Variants in STRA6 observed in about 807,000 individuals in gnomAD.
STRA6 encodes the protein receptor for retinol uptake STRA6.
In STRA6, 48 loss-of-function variants were observed where a neutral mutation model predicts 83.6. The observed-to-expected ratio is 0.57, with a 90% CI of 0.46 to 0.73. STRA6 has a LOEUF of 0.73. Ranked by LOEUF, STRA6 falls within the 30% of genes least tolerant of loss-of-function variation. The pLI is 0.00. For synonymous variants in STRA6, 353 were observed against 362.3 expected, an observed-to-expected ratio of 0.97 and a Z score of 0.29; for missense variants, 760 against 838.8, an observed-to-expected ratio of 0.91 and a Z score of 1.16.
upstream of STRA6, chr15:74,207,699 G>A (rs1346054788): frequency 1.3e-6 from 2 of 1,535,712 alleles, no homozygotes; most frequent in East Asian, 2.4e-5. Context: ...GTGCCCACCT[G>A]TGCAGCCCAG....
At chr15:74,195,177 A>G in intron 7 of STRA6, 125 bp downstream of exon 7, 1 of 1,531,162 alleles carries the variant, frequency 6.5e-7, no homozygotes, top group South Asian at 1.2e-5. Context: ...AAGGCATGGA[A>G]TCCCATGCAC....
At chr15:74,198,713 A>G (rs2073930722) in intron 2 of STRA6, among the ~76,000 whole-genome samples, 1 of 152,160 alleles carries the variant, frequency 6.6e-6, no homozygotes, top group Admixed American at 6.5e-5. Flanking sequence ...AGCCAAGGGA[A>G]CGAGCAGGCC....
chr15:74,203,360 G>A (rs752776130), upstream of STRA6: 5 of 261,274 alleles, frequency 1.9e-5, no homozygotes, highest in Non-Finnish European at 2.4e-5. Flanking sequence ...GGGTGAGCAA[G>A]GGAAGGTCTG....
At chr15:74,195,184 G>T in intron 7 of STRA6, 118 bp downstream of exon 7, 1 of 1,535,924 alleles carries the variant, frequency 6.5e-7, no homozygotes, top group Non-Finnish European at 8.7e-7. Context: ...GGAATCCCAT[G>T]CACAATGGAA....
chr15:74,197,894 CTG>C, intron 2 of STRA6, 76 bp from the exon 3 acceptor site: 1 of 1,475,330 alleles, frequency 6.8e-7, no homozygotes, highest in Non-Finnish European at 9.3e-7. Context: ...GGGTTCAAGA[CTG>C]TTCACACTGA....
In STRA6 at chr15:74,202,296, C is replaced by G. The variant is rs757189393; in HGVS notation, c.-15-14G>C. The G allele has an allele frequency of 1.3e-6, 2 of 1,551,760 alleles. No homozygotes were observed. Among genetic ancestry groups the G allele is most frequent in the African/African-American group, 1.4e-5 (1 of 69,514 alleles). On this transcript the variant is annotated splice_polypyrimidine_tract_variant and intron_variant, in intron 1 of 18. Transcript: ENST00000395105. ...CTGGCCCTTCTCCTTTGACCCCAGG[C>G]GAGAGAAAAAAAAAGCCACTACAGA...
chr15:74,205,393 T>G (rs1567202307), upstream of STRA6, among the ~76,000 whole-genome samples: 2 of 151,684 alleles, frequency 1.3e-5, no homozygotes, highest in South Asian at 2.1e-4. Flanking sequence ...TGATGGAAGG[T>G]GAAGGGGGGT....
intron 8 of STRA6, among the ~76,000 whole-genome samples, chr15:74,192,569 C>CT (rs1432846394): frequency 1.3e-5 from 2 of 152,154 alleles, no homozygotes; most frequent in African/African-American, 4.8e-5. Context: ...GAGCTCCAGA[C>CT]TTTGAGCAGT....
Position 74,182,178 on chromosome 15 carries a change from G to C in STRA6, c.1503C>G (p.His501Gln). The change falls in exon 16 of 19, where the codon CAC becomes CAG. Residue 501 changes from histidine (H) to glutamine (Q), a missense_variant. Physicochemically the swap from His to Gln is conservative, Grantham distance 24. Transcript: ENST00000395105. ...CACCTCACCGGTTGGTCAGCTGTGG[G>C]TGTCCATCATGAGTCTCCAGGAAGA... is the stretch of plus-strand genomic sequence containing the variant. ...HWVFLETHDG[H>Q]PQLTNRRVLY... The C allele has an allele frequency of 6.2e-7, 1 of 1,614,148 alleles. No individual in the cohort carries two copies. Among genetic ancestry groups the C allele is most frequent in the Non-Finnish European group, 8.5e-7 (1 of 1,179,982 alleles).
chr15:74,180,147 A>G lies in STRA6; in HGVS notation c.1937T>C (p.Leu646Pro). ...GAAGACCTGCAGGGTTGGGTTGTGC[A>G]GCAGCGTGTAGGCCAGACCCCAGCG... ...RARWGLAYTLLHNPTLQVFRK... is the reference protein window; with the variant it reads ...RARWGLAYTLPHNPTLQVFRK... Residue 646 changes from leucine (L) to proline (P), a missense_variant, in exon 19 of 19, where the codon CTG (leucine) becomes CCG (proline). By Grantham distance (98) the Leu-to-Pro change is moderately conservative. Coordinates refer to ENST00000395105, the MANE Select transcript of STRA6 (RefSeq NM_022369.4). The G allele has an allele frequency of 6.2e-7, 1 of 1,613,868 alleles. No homozygotes were observed. The highest frequency in any genetic ancestry group is 8.5e-7 in the Non-Finnish European group (1 of 1,179,874).
exon 1 of STRA6, chr15:74,208,815 C>G: frequency 1.0e-6 from 1 of 989,582 alleles, no homozygotes; most frequent in Non-Finnish European, 1.2e-6. Context: ...ATCAAGCGCT[C>G]TCCTGACCTC....
At chr15:74,198,242 G>T (rs2142064985) in intron 2 of STRA6, among the ~76,000 whole-genome samples, 1 of 152,130 alleles carries the variant, frequency 6.6e-6, no homozygotes, top group East Asian at 1.9e-4. Context: ...GAGTAGCTGG[G>T]ACCACAGGTG....
chr15:74,203,958 A>C (rs1322765358), upstream of STRA6, among the ~76,000 whole-genome samples: 1 of 152,224 alleles, frequency 6.6e-6, no homozygotes, highest in Non-Finnish European at 1.5e-5. Flanking sequence ...GCACGGGTGA[A>C]GTCTCAGAGT....
At chr15:74,182,041 CATCT>C (rs1282003385) in intron 16 of STRA6, 116 bp downstream of exon 16, 4 of 901,250 alleles carry the variant, frequency 4.4e-6, no homozygotes, top group Non-Finnish European at 5.4e-6. Flanking sequence ...TTTCTACTAT[CATCT>C]GGGTTCCTTG....
At chr15:74,196,326 G>T (rs944089222) in intron 4 of STRA6, 179 bp from the exon 5 acceptor site, 3 of 1,030,298 alleles carry the variant, frequency 2.9e-6, no homozygotes, top group Non-Finnish European at 4.2e-6. Flanking sequence ...TATCTACCAA[G>T]CTCTGGGCCC....
upstream of STRA6, among the ~76,000 whole-genome samples, chr15:74,205,677 C>T (rs2142103394): frequency 6.6e-6 from 1 of 152,340 alleles, no homozygotes; most frequent in East Asian, 1.9e-4. Context: ...GAAGGAGCCT[C>T]CATCTGCCCA....
rs762100127 is a variant in STRA6, at chr15:74,180,090, G to A, written c.1994C>T (p.Ala665Val). Reference sequence around the variant, plus strand: ...TGACCTTCCCTGCCCTCAGGGCTGGGCACCATTGGCACCCAACAGGGCCGT... The same window carrying A: ...TGACCTTCCCTGCCCTCAGGGCTGGACACCATTGGCACCCAACAGGGCCGT... ...RKTALLGANG[A>V]QP The change falls in exon 19 of 19, where the codon GCC becomes GTC. Residue 665 changes from alanine (A) to valine (V), a missense_variant. Physicochemically the swap from Ala to Val is moderately conservative, Grantham distance 64. Coordinates refer to ENST00000395105, the MANE Select transcript of STRA6 (RefSeq NM_022369.4). The A allele has an allele frequency of 8.1e-6, 13 of 1,612,990 alleles. No individual in the cohort carries two copies. Among genetic ancestry groups the A allele is most frequent in the East Asian group, 2.2e-5 (1 of 44,822 alleles).
rs759887263 is a variant in STRA6 at position 74,181,318 on chromosome 15, G to T, written c.1661C>A (p.Pro554Gln). The change falls in exon 17 of 19, where the codon CCG (proline) becomes CAG (glutamine). Residue 554 changes from proline to glutamine, a missense_variant. Coordinates refer to ENST00000395105, the MANE Select transcript of STRA6 (RefSeq NM_022369.4). ...LGQMDLSLLPPRAATLDPGYY... is the reference protein window; with the variant it reads ...LGQMDLSLLPQRAATLDPGYY... The stretch of plus-strand genomic sequence containing the variant: ...ACCGGGGTCGAGAGTGGCGGCTCTC[G>T]GTGGCAGCAGGCTGAGGTCCATCTG... 4.3e-6 allele frequency: 7 copies of T among 1,611,760 alleles called. No homozygotes were observed.
intron 3 of STRA6, 114 bp downstream of exon 3, chr15:74,197,638 C>A (rs1320698870): frequency 2.9e-6 from 4 of 1,402,986 alleles, no homozygotes; most frequent in South Asian, 2.5e-5. Flanking sequence ...CAGATAGCTC[C>A]CCCCACCCAG....
Sources: gnomAD v4.1 joint callset for allele counts (sites outside exome capture counted in the v4.1 genomes callset) on GRCh38, gnomAD v4.1.1 for gene constraint, MANE v1.5 for transcripts, NCBI Gene and HGNC (gene_info 2026-07-23, HGNC 2026-07-21) for gene names.